Variants in PXDN observed in about 807,000 individuals in gnomAD.
The protein encoded by PXDN is peroxidasin homolog.
A neutral mutation model predicts 140.3 loss-of-function variants in PXDN; 77 were observed. The observed-to-expected ratio is 0.55, with a 90% CI of 0.46 to 0.66. PXDN has a LOEUF of 0.66. Ranked by LOEUF, PXDN falls within the 30% of genes least tolerant of loss-of-function variation. PXDN has a pLI of 0.00. For synonymous variants in PXDN, 911 were observed against 857.4 expected (o/e 1.06, Z -1.09); for missense variants, 1,838 against 2,039.5 (o/e 0.90, Z 1.90).
intron 14 of PXDN, among the ~76,000 whole-genome samples, chr2:1,656,607 C>G (rs1683140775): frequency 6.6e-6 from 1 of 151,246 alleles, no homozygotes. Context: ...CCTGTCCCCT[C>G]CTGAATAAAA....
In PXDN at chr2:1,648,530, G is replaced by A; in HGVS notation, c.3250C>T (p.Leu1084=). The A allele has an allele frequency of 6.2e-7, 1 of 1,613,492 alleles. No homozygotes were observed. Among genetic ancestry groups the A allele is most frequent in the Non-Finnish European group, 8.5e-7 (1 of 1,179,884 alleles). The change falls in exon 17 of 23, where the codon CTG becomes TTG. Residue 1084 remains leucine, a synonymous_variant. Transcript: ENST00000252804. This position sits in a 1 kb window ranked among gnomAD's most constrained non-coding sequence, Gnocchi z 8.9. ...HTLVNPLLYR[L]DENFQPIAQD... is the part of the protein sequence containing the mutation. ...GCAATGGGCTGGAAGTTCTCGTCCA[G>A]CCGGTAAAGCAGTGGGTTGACAAGC...
intron 16 of PXDN, among the ~76,000 whole-genome samples, chr2:1,650,693 G>A (rs1037261232): frequency 1.7e-4 from 26 of 151,888 alleles, no homozygotes; most frequent in African/African-American, 4.3e-4. Context: ...CTACACACAC[G>A]CACACACACA....
chr2:1,672,790 T>G (rs1683605528), intron 9 of PXDN, among the ~76,000 whole-genome samples: 1 of 152,212 alleles, frequency 6.6e-6, no homozygotes. Context: ...AAAGGTTTTA[T>G]AACCATAATG....
chr2:1,730,994 C>A (rs1341606696), intron 1 of PXDN, among the ~76,000 whole-genome samples: 1 of 152,008 alleles, frequency 6.6e-6, no homozygotes, highest in Non-Finnish European at 1.5e-5. Context: ...TTGCTACAGC[C>A]CACATTAGAA....
In PXDN at chr2:1,660,979, G is replaced by T. The variant is rs780047090; in HGVS notation, c.1739C>A (p.Thr580Asn). The T allele has an allele frequency of 5.6e-6, 9 of 1,613,884 alleles. No individual in the cohort carries two copies. In the Admixed American group the frequency reaches 8.3e-5, roughly 15 times the overall value. ...GTCTGCAGGGCCAACGTCATTGATG[G>T]TCAAGAATCCTTCAGGGCTGATGTG... ...KFHISPEGFL[T>N]INDVGPADAG... is the part of the protein sequence containing the mutation. The change falls in exon 14 of 23, where the codon ACC becomes AAC. Residue 580 changes from threonine to asparagine, a missense_variant. By Grantham distance (65) the Thr-to-Asn change is moderately conservative. Coordinates refer to ENST00000252804, the MANE Select transcript of PXDN (RefSeq NM_012293.3). The surrounding 1 kb of genome is among the most constrained non-coding windows in gnomAD (Gnocchi z 4.6).
Position 1,662,181 on chromosome 2 carries a change from G to A in PXDN, c.1571C>T (p.Thr524Ile). ...GCTGGGAATGCTGGCAAACACTGGG[G>A]TGACTGGAAGGCAGATGTAGAGAAT... is the stretch of plus-strand genomic sequence containing the variant. Reference protein sequence around the residue: ...VAHLTVQPRVTPVFASIPSDT... With the variant: ...VAHLTVQPRVIPVFASIPSDT... The change falls in exon 13 of 23, where the codon ACC becomes ATC. Residue 524 changes from threonine (T) to isoleucine (I), a missense_variant. Transcript: ENST00000252804. 6.3e-7 allele frequency: 1 copy of A among 1,582,476 alleles called. No individual in the cohort carries two copies. The highest frequency in any genetic ancestry group is 8.6e-7 in the Non-Finnish European group (1 of 1,163,586).
chr2:1,668,222 T>C (rs1683491097), intron 9 of PXDN, among the ~76,000 whole-genome samples: 1 of 152,178 alleles, frequency 6.6e-6, no homozygotes, highest in Admixed American at 6.5e-5. Context: ...ATTTAATACA[T>C]GGTGCTGGGA....
intron 17 of PXDN, chr2:1,646,017 G>A (rs1441626256): frequency 6.6e-6 from 1 of 152,294 alleles, no homozygotes; most frequent in African/African-American, 2.4e-5. Flanking sequence ...GGCAGCAGAG[G>A]CGAGCCCAGG....
At chr2:1,743,274 T>C (rs774286880) in intron 1 of PXDN, among the ~76,000 whole-genome samples, 1 of 152,118 alleles carries the variant, frequency 6.6e-6, no homozygotes, top group Non-Finnish European at 1.5e-5. Flanking sequence ...GTTAAACGTA[T>C]AGCGCAACTG....
At position 1,666,096 on chromosome 2, in the gene PXDN, G is replaced by A. The variant is rs548744545; in HGVS notation, c.1291+118C>T. On this transcript the variant is annotated intron_variant, in intron 10 of 22. Coordinates refer to ENST00000252804, the MANE Select transcript of PXDN (RefSeq NM_012293.3). ...GGGGTGTAATGGATAAAAATCAACCGAGTGAAGTGGACAGGGCAGAAGATT... is the reference window on the plus strand; with the variant it reads ...GGGGTGTAATGGATAAAAATCAACCAAGTGAAGTGGACAGGGCAGAAGATT... 3.2e-5 allele frequency: 43 copies of A among 1,359,666 alleles called. No individual in the cohort carries two copies. The South Asian group carries it at 5.4e-4, about 17-fold the overall frequency. 84.2% of individuals were successfully genotyped at this position (1,359,666 alleles called of 1,614,324 possible).
chr2:1,654,944 C>T (rs549017405), intron 14 of PXDN, among the ~76,000 whole-genome samples: 2 of 152,072 alleles, frequency 1.3e-5, no homozygotes, highest in Non-Finnish European at 2.9e-5. Flanking sequence ...CCACTCCCCT[C>T]TTTAAAGATC....
chr2:1,660,876 C>G lies in PXDN; in HGVS notation c.1837+5G>C. ...GTGGGTAGATGTGGGCATGTGGCAT[C>G]TTACCATTCACACTGAGCACCATGC... On this transcript the variant is annotated splice_donor_5th_base_variant and intron_variant, in intron 14 of 22. Transcript: ENST00000252804. The surrounding 1 kb of genome is among the most constrained non-coding windows in gnomAD (Gnocchi z 4.6). 1.9e-6 allele frequency: 3 copies of G among 1,606,178 alleles called. No individual in the cohort carries two copies. The highest frequency in any genetic ancestry group is 1.7e-6 in the Non-Finnish European group (2 of 1,174,470).
chr2:1,677,709 C>A (rs766899379), intron 7 of PXDN, among the ~76,000 whole-genome samples: 2 of 152,180 alleles, frequency 1.3e-5, no homozygotes, highest in Non-Finnish European at 1.5e-5. Context: ...GAGCTCCAGG[C>A]CCGCACAGGG....
chr2:1,652,648 G>A (rs929891943), intron 16 of PXDN, among the ~76,000 whole-genome samples: 14 of 151,718 alleles, frequency 9.2e-5, no homozygotes, highest in African/African-American at 2.9e-4. Flanking sequence ...CAGGAGCTGC[G>A]GAACATACAG....
intron 1 of PXDN, among the ~76,000 whole-genome samples, chr2:1,707,559 A>G (rs1056029566): frequency 2.0e-5 from 3 of 152,218 alleles, no homozygotes; most frequent in South Asian, 2.1e-4. Context: ...ATCAACCCAC[A>G]CTTTTCACCC....
chr2:1,734,333 A>C (rs1685382332), intron 1 of PXDN, among the ~76,000 whole-genome samples: 2 of 152,248 alleles, frequency 1.3e-5, no homozygotes, highest in African/African-American at 2.4e-5. Context: ...AAATTTTATA[A>C]AACACCTGAG....
At chr2:1,665,148 CCA>C in intron 10 of PXDN, 74 bp from the exon 11 acceptor site, 2 of 1,135,314 alleles carry the variant, frequency 1.8e-6, no homozygotes, top group Admixed American at 4.0e-5. Context: ...AAGAAAATGA[CCA>C]CAGTCTTGGC....
intron 14 of PXDN, among the ~76,000 whole-genome samples, chr2:1,657,814 C>CT (rs1683182594): frequency 6.9e-6 from 1 of 144,334 alleles, no homozygotes. Context: ...CTGTCCCCAC[C>CT]TGACAGGCAC....
chr2:1,711,376 A>G (rs111162159), intron 1 of PXDN, among the ~76,000 whole-genome samples: 13 of 83,168 alleles, frequency 1.6e-4, no homozygotes, highest in African/African-American at 3.0e-4. Flanking sequence ...ACCAGCATCC[A>G]CTCTACCAGC....
Sources: gnomAD v4.1 joint callset for allele counts (sites outside exome capture counted in the v4.1 genomes callset) on GRCh38, gnomAD v4.1.1 for gene constraint, Gnocchi (gnomAD v3.1) non-coding constraint, MANE v1.5 for transcripts, NCBI Gene and HGNC (gene_info 2026-07-23, HGNC 2026-07-21) for gene names.